EML4: variants seen among roughly 807,000 people sequenced by gnomAD.
The protein encoded by EML4 is EMAP like 4, also known as echinoderm microtubule-associated protein-like 4.
A neutral mutation model predicts 129.0 loss-of-function variants in EML4; 72 were observed. The observed-to-expected ratio is 0.56, with a 90% CI of 0.46 to 0.68. The LOEUF (loss-of-function observed/expected upper bound fraction) is 0.68. Ranked by LOEUF, EML4 falls within the 30% of genes least tolerant of loss-of-function variation. EML4 has a pLI of 0.00. For missense variants in EML4, 1,363 were observed against 1,190.6 expected (o/e 1.14, Z -2.13); for synonymous variants, 532 against 405.0 (o/e 1.31, Z -3.77).
In EML4 at chr2:42,219,576, T is replaced by G. The variant is rs886128294; in HGVS notation, c.26-25929T>G. 7.9e-5 allele frequency among the ~76,000 whole-genome samples: 12 copies of G among 152,174 alleles called. No individual in the cohort carries two copies. In the South Asian group the frequency reaches 8.3e-4, roughly 11 times the overall value. On this transcript the variant is annotated intron_variant, in intron 1 of 22. Transcript: ENST00000318522. ...AACAAAATTTTAAAAAATCAAAAAG[T>G]TTATGTATGTGGTTTTGTTTTGGTT... is the stretch of plus-strand genomic sequence containing the variant.
At chr2:42,282,222 G>A (rs1469146837) in intron 7 of EML4, among the ~76,000 whole-genome samples, 2 of 151,536 alleles carry the variant, frequency 1.3e-5, no homozygotes, top group Middle Eastern at 3.4e-3. Flanking sequence ...TAGAGACATA[G>A]GGCCTACATT....
intron 8 of EML4, among the ~76,000 whole-genome samples, chr2:42,283,439 TGA>T (rs1349984165): frequency 6.6e-6 from 1 of 152,084 alleles, no homozygotes; most frequent in African/African-American, 2.4e-5. Context: ...ACTACAAATG[TGA>T]GAACTCCTTT....
At chr2:42,266,779 T>C (rs1666089033) in intron 6 of EML4, among the ~76,000 whole-genome samples, 1 of 152,100 alleles carries the variant, frequency 6.6e-6, no homozygotes, top group South Asian at 2.1e-4. Context: ...TGAATGACAA[T>C]GTCTCTGAGT....
At chr2:42,299,553 C>T (rs1477789392) in intron 13 of EML4, among the ~76,000 whole-genome samples, 1 of 152,176 alleles carries the variant, frequency 6.6e-6, no homozygotes, top group African/African-American at 2.4e-5. Flanking sequence ...TTCTCCCTCC[C>T]CTCAGCCCCT....
rs557527333 is a variant in EML4, at chr2:42,187,665, C to T, written c.25+18029C>T. On this transcript the variant is annotated intron_variant, in intron 1 of 22. Coordinates refer to ENST00000318522, the MANE Select transcript of EML4 (RefSeq NM_019063.5). Reference sequence around the variant, plus strand: ...TCTCTATGAATTCTCCTATTTGGTGCTCATTTTTTTTAAAAAAAAATGGTT... The same window carrying T: ...TCTCTATGAATTCTCCTATTTGGTGTTCATTTTTTTTAAAAAAAAATGGTT... Among the ~76,000 whole-genome samples, 39 of 138,342 alleles carry T rather than the reference C, an allele frequency of 2.8e-4. 1 individual carries two copies. In the East Asian group the frequency reaches 7.8e-3, roughly 28 times the overall value. The allele number at this position is 138,342 out of a possible 152,430, so 90.8% of individuals were successfully genotyped here.
In EML4 at chr2:42,230,045, A is replaced by C. The variant is rs543225372; in HGVS notation, c.26-15460A>C. 2.3e-3 allele frequency among the ~76,000 whole-genome samples: 347 copies of C among 152,248 alleles called. 2 individuals are homozygous for C. Among genetic ancestry groups the C allele is most frequent in the African/African-American group, 7.4e-3 (309 of 41,558 alleles). On this transcript the variant is annotated intron_variant, in intron 1 of 22. Coordinates refer to ENST00000318522, the MANE Select transcript of EML4 (RefSeq NM_019063.5). ...ATTTGCTTCTTCCAGATTCCCCCTC[A>C]GCTACACGAAACTTCTAATAAAGGG...
chr2:42,229,198 G>C (rs1674167950), intron 1 of EML4, among the ~76,000 whole-genome samples: 1 of 151,858 alleles, frequency 6.6e-6, no homozygotes, highest in Non-Finnish European at 1.5e-5. Flanking sequence ...TTTATAAAAA[G>C]GAAAATTTCA....
chr2:42,279,162 GTA>G (rs759315600), intron 6 of EML4, among the ~76,000 whole-genome samples: 1 of 151,862 alleles, frequency 6.6e-6, no homozygotes, highest in Non-Finnish European at 1.5e-5. Flanking sequence ...GTGTGTGTGT[GTA>G]TATATATATG....
At chr2:42,221,645 C>T (rs188190014) in intron 1 of EML4, among the ~76,000 whole-genome samples, 1 of 151,786 alleles carries the variant, frequency 6.6e-6, no homozygotes, top group Non-Finnish European at 1.5e-5. Context: ...CTCTTGTTGC[C>T]CAAGCTGGAA....
chr2:42,330,139 G>A lies in EML4; in HGVS notation c.2878G>A (p.Glu960Lys), dbSNP rs113479740. 1.1e-5 allele frequency: 18 copies of A among 1,611,984 alleles called. No homozygotes were observed. The highest frequency in any genetic ancestry group is 3.3e-4 in the Middle Eastern group (2 of 6,084). The stretch of plus-strand genomic sequence containing the variant: ...GCCTCTTTATGAAGAGCCATGCAAC[G>A]AGATAAGCAAGGAGCAGGCCAAAGC... ...GEPLYEEPCNEISKEQAKATL... is the reference protein window; with the variant it reads ...GEPLYEEPCNKISKEQAKATL... The change falls in exon 23 of 23, where the codon GAG becomes AAG. Residue 960 changes from glutamate (E) to lysine (K), a missense_variant. By Grantham distance (56) the Glu-to-Lys change is moderately conservative. Transcript: ENST00000318522.
intron 17 of EML4, among the ~76,000 whole-genome samples, chr2:42,310,794 A>C (rs1173852586): frequency 6.6e-6 from 1 of 152,234 alleles, no homozygotes; most frequent in Non-Finnish European, 1.5e-5. Flanking sequence ...AACTTAAAAA[A>C]CATTTTTTTT....
chr2:42,295,904 TTCAA>T (rs530977680), intron 13 of EML4, among the ~76,000 whole-genome samples: 48 of 152,308 alleles, frequency 3.2e-4, no homozygotes, highest in African/African-American at 1.1e-3. Flanking sequence ...AAACTCATAG[TTCAA>T]TCCACTTCTC....
intron 6 of EML4, among the ~76,000 whole-genome samples, chr2:42,272,012 A>G (rs1209935952): frequency 6.7e-6 from 1 of 149,670 alleles, no homozygotes; most frequent in Non-Finnish European, 1.5e-5. Flanking sequence ...CTGAGGCAGG[A>G]GAATCGCTTG....
intron 1 of EML4, among the ~76,000 whole-genome samples, chr2:42,224,332 A>G (rs1558517069): frequency 6.6e-6 from 1 of 152,018 alleles, no homozygotes; most frequent in Non-Finnish European, 1.5e-5. Flanking sequence ...GGCTTCTTTC[A>G]CTAAGTATGT....
chr2:42,187,603 T>A (rs973971257), intron 1 of EML4, among the ~76,000 whole-genome samples: 5 of 152,202 alleles, frequency 3.3e-5, no homozygotes, highest in African/African-American at 4.8e-5. Context: ...AGTATACATC[T>A]TCTTTCAGGC....
chr2:42,328,952 T>C lies in EML4; in HGVS notation c.2408T>C (p.Val803Ala). 6.2e-7 allele frequency: 1 copy of C among 1,613,466 alleles called. No individual in the cohort carries two copies. The highest frequency in any genetic ancestry group is 1.1e-5 in the South Asian group (1 of 91,048). The change falls in exon 22 of 23, where the codon GTG becomes GCG. Residue 803 changes from valine to alanine, a missense_variant. Val to Ala is a moderately conservative substitution (Grantham distance 64). Coordinates refer to ENST00000318522, the MANE Select transcript of EML4 (RefSeq NM_019063.5). ...CTGGTGCGATCCCACAATAGAAAGG[T>C]GATAGCTGTTGCCGATGACTTTTGT... Reference protein sequence around the residue: ...NALVRSHNRKVIAVADDFCKV... With the variant: ...NALVRSHNRKAIAVADDFCKV...
chr2:42,277,260 A>G (rs970125617), intron 6 of EML4, among the ~76,000 whole-genome samples: 3 of 152,210 alleles, frequency 2.0e-5, no homozygotes, highest in Non-Finnish European at 4.4e-5. Flanking sequence ...CTAGAGGAAA[A>G]ATTATATAAC....
chr2:42,322,053 C>G (rs1216275420), intron 19 of EML4, among the ~76,000 whole-genome samples: 1 of 152,172 alleles, frequency 6.6e-6, no homozygotes. Flanking sequence ...TCTAGTTCAT[C>G]TGAAATTTTC....
intron 17 of EML4, among the ~76,000 whole-genome samples, chr2:42,312,273 C>A (rs968192790): frequency 1.3e-5 from 2 of 152,172 alleles, no homozygotes; most frequent in African/African-American, 4.8e-5. Flanking sequence ...AGCCCCCCCC[C>A]ACCATCGTCC....
Sources: allele counts gnomAD v4.1 joint callset (sites outside exome capture counted in the v4.1 genomes callset), GRCh38; gene constraint gnomAD v4.1.1; transcripts MANE v1.5; gene names NCBI Gene and HGNC (gene_info 2026-07-23, HGNC 2026-07-21).